Variants in NANS observed in about 807,000 individuals in gnomAD.
NANS encodes the protein N-acetylneuraminate-9-phosphate synthase.
Under a neutral mutation model 33.3 loss-of-function variants are expected in NANS, and 29 were observed. The observed-to-expected ratio is 0.87, with a 90% confidence interval of 0.65 to 1.19. The LOEUF is 1.19. Ranked by LOEUF, NANS falls within the 50% of genes most tolerant of loss-of-function variation. The pLI is 0.00. For missense variants in NANS, 394 were observed against 461.1 expected, an observed-to-expected ratio of 0.85 and a Z score of 1.33; for synonymous variants, 163 against 177.2, an observed-to-expected ratio of 0.92 and a Z score of 0.64.
At position 98,083,048 on chromosome 9, in the gene NANS, A is replaced by G. The variant is rs749586428; in HGVS notation, c.1073A>G (p.Lys358Arg). Residue 358 changes from lysine (K) to arginine (R), a missense_variant, in exon 6 of 6, where the codon AAG becomes AGG. Coordinates refer to ENST00000210444, the MANE Select transcript of NANS (RefSeq NM_018946.4). ...ELVDNHGKKI[K>R]S Reference sequence around the variant, plus strand: ...GTAGATAATCATGGCAAAAAAATCAAGTCTTAAAAATAAAGTGCCATTCTC... The same window carrying G: ...GTAGATAATCATGGCAAAAAAATCAGGTCTTAAAAATAAAGTGCCATTCTC... 1.7e-5 allele frequency: 28 copies of G among 1,614,100 alleles called. No homozygotes were observed. The highest frequency in any genetic ancestry group is 2.4e-5 in the Non-Finnish European group (28 of 1,179,940).
At chr9:98,079,669 T>A (rs1382804814) in intron 4 of NANS, among the ~76,000 whole-genome samples, 1 of 152,208 alleles carries the variant, frequency 6.6e-6, no homozygotes, top group Non-Finnish European at 1.5e-5. Context: ...ATTCCGATAA[T>A]TAACAGTTTA....
chr9:98,067,460 T>C (rs1829182185), intron 2 of NANS, among the ~76,000 whole-genome samples: 1 of 152,192 alleles, frequency 6.6e-6, no homozygotes, highest in African/African-American at 2.4e-5. Flanking sequence ...TGGTGTCTCA[T>C]TGTGGTTGTG....
intron 3 of NANS, among the ~76,000 whole-genome samples, chr9:98,077,400 A>G (rs1829639763): frequency 6.7e-6 from 1 of 149,512 alleles, no homozygotes; most frequent in African/African-American, 2.5e-5. Flanking sequence ...AATAGAGACA[A>G]GGTCTGTCTA....
Position 98,056,813 on chromosome 9 carries a change from C to CGCTGGA in NANS, c.16_21dup (p.Glu6_Leu7dup). ...TTTGGACCCCGAGCCGCTGCAATGC[C>CGCTGGA]GCTGGAGCTGGAGCTGTGTCCCGGG... is the stretch of plus-strand genomic sequence containing the variant. On this transcript the variant is annotated inframe_insertion, in exon 1 of 6. Transcript: ENST00000210444. 1.2e-6 allele frequency: 2 copies of CGCTGGA among 1,610,800 alleles called. No homozygotes were observed. Among genetic ancestry groups the CGCTGGA allele is most frequent in the South Asian group, 1.1e-5 (1 of 90,928 alleles).
intron 4 of NANS, among the ~76,000 whole-genome samples, chr9:98,080,030 G>A (rs1401150714): frequency 6.6e-6 from 1 of 152,128 alleles, no homozygotes; most frequent in African/African-American, 2.4e-5. Context: ...CCTGGCCAAT[G>A]TGGCGAAACC....
At chr9:98,072,505 G>A (rs1829385606) in intron 2 of NANS, among the ~76,000 whole-genome samples, 2 of 151,592 alleles carry the variant, frequency 1.3e-5, no homozygotes, top group African/African-American at 2.4e-5. Context: ...TCCACCTCAC[G>A]GGTTCAAGCA....
intron 2 of NANS, chr9:98,076,678 C>T: frequency 6.4e-6 from 3 of 468,008 alleles, no homozygotes; most frequent in Non-Finnish European, 1.1e-5. Flanking sequence ...TTTCCAGATT[C>T]CTGTAGCCAG....
chr9:98,057,793 A>G (rs566554747), intron 1 of NANS, among the ~76,000 whole-genome samples: 5 of 151,958 alleles, frequency 3.3e-5, no homozygotes, highest in African/African-American at 1.2e-4. Context: ...ATGCTACTCA[A>G]CTGATTTTGT....
chr9:98,065,614 C>T (rs1829124414), intron 2 of NANS, among the ~76,000 whole-genome samples: 2 of 148,578 alleles, frequency 1.3e-5, no homozygotes, highest in African/African-American at 4.9e-5. Flanking sequence ...GTTAGGATTA[C>T]AGGCGTAAGC....
intron 2 of NANS, among the ~76,000 whole-genome samples, chr9:98,064,126 G>A (rs1017796354): frequency 1.3e-5 from 2 of 152,216 alleles, no homozygotes; most frequent in Admixed American, 6.5e-5. Context: ...GGAAGGTGGA[G>A]AACCTAGGCC....
intron 2 of NANS, among the ~76,000 whole-genome samples, chr9:98,061,653 G>A (rs1316970729): frequency 2.7e-5 from 4 of 146,168 alleles, no homozygotes; most frequent in Admixed American, 1.4e-4. Context: ...GGTGGCATGC[G>A]TCTGTAGTCC....
rs1587903806 is a variant in NANS at position 98,060,924 on chromosome 9, A to G, written c.275A>G (p.His92Arg). ...GEHKRHLEFS[H>R]DQYRELQRYA... The stretch of plus-strand genomic sequence containing the variant: ...CACAAACGACATCTGGAGTTCAGCC[A>G]TGACCAGTACAGGGAGCTGCAGAGG... Residue 92 changes from histidine (H) to arginine (R), a missense_variant, in exon 2 of 6, where the codon CAT (histidine) becomes CGT (arginine). Physicochemically the swap from His to Arg is conservative, Grantham distance 29. Transcript: ENST00000210444. The G allele has an allele frequency of 6.2e-7, 1 of 1,614,210 alleles. No individual in the cohort carries two copies. The highest frequency in any genetic ancestry group is 8.5e-7 in the Non-Finnish European group (1 of 1,180,042).
At position 98,076,884 on chromosome 9, in the gene NANS, T is replaced by C; in HGVS notation, c.349-34T>C. ...TCATAACAACAGTGTTTTTGGACAA[T>C]GGTGAAAAGGAGCTCCCTCTTTGAT... is the stretch of plus-strand genomic sequence containing the variant. On this transcript the variant is annotated intron_variant, in intron 2 of 5. Transcript: ENST00000210444. 3 of 1,536,662 alleles carry C rather than the reference T, an allele frequency of 2.0e-6. No homozygotes were observed. The South Asian group carries it at 3.5e-5, about 18-fold the overall frequency.
At chr9:98,082,718 G>T in intron 5 of NANS, 128 bp from the exon 6 acceptor site, 1 of 750,056 alleles carries the variant, frequency 1.3e-6, no homozygotes, top group Non-Finnish European at 2.2e-6. Context: ...GCAGTGTAGG[G>T]GGCAACAGAG....
intron 2 of NANS, 98 bp from the exon 3 acceptor site, chr9:98,076,820 G>A (rs578042276): frequency 2.4e-5 from 23 of 945,568 alleles, no homozygotes; most frequent in Admixed American, 4.7e-5. Context: ...TACTGCCTAA[G>A]ATGAGGGGTT....
At chr9:98,082,066 G>A (rs925333661) in intron 5 of NANS, 6 of 152,104 alleles carry the variant, frequency 3.9e-5, no homozygotes, top group African/African-American at 1.2e-4. Context: ...GTACTCTTAC[G>A]TGGAGGATAT....
intron 2 of NANS, chr9:98,061,301 A>AC (rs1828967380): frequency 9.7e-6 from 3 of 309,480 alleles, no homozygotes; most frequent in East Asian, 1.3e-4. Flanking sequence ...ACATGGTGAA[A>AC]CCCCATCTCT....
At chr9:98,062,528 A>C (rs1452869787) in intron 2 of NANS, among the ~76,000 whole-genome samples, 1 of 152,216 alleles carries the variant, frequency 6.6e-6, no homozygotes, top group African/African-American at 2.4e-5. Flanking sequence ...AAACTGACCC[A>C]TAATCCCTCT....
intron 2 of NANS, among the ~76,000 whole-genome samples, chr9:98,067,920 C>T (rs1255605132): frequency 6.6e-6 from 1 of 152,084 alleles, no homozygotes; most frequent in African/African-American, 2.4e-5. Flanking sequence ...CAAGATCTCA[C>T]TATGTAGCCC....
Sources: allele counts gnomAD v4.1 joint callset (sites outside exome capture counted in the v4.1 genomes callset), GRCh38; gene constraint gnomAD v4.1.1; transcripts MANE v1.5; gene names NCBI Gene and HGNC (gene_info 2026-07-23, HGNC 2026-07-21).